The following RGS5 variants were observed in gnomAD, a reference collection of about 807,000 sequenced individuals.
RGS5 encodes the protein regulator of G protein signaling 5, also known as regulator of G-protein signalling 5.
A neutral mutation model predicts 18.9 loss-of-function variants in RGS5; 20 were observed. The ratio of observed to expected loss-of-function variants is 1.06; its 90% CI spans 0.74 to 1.54. RGS5 has a LOEUF of 1.54. Among genes scored for constraint, RGS5 ranks in the 40% most tolerant of loss-of-function variants. The pLI is 0.00. For missense variants in RGS5, 201 were observed against 211.8 expected, an observed-to-expected ratio of 0.95 and a Z score of 0.32; for synonymous variants, 57 against 76.2, an observed-to-expected ratio of 0.75 and a Z score of 1.31.
intron 2 of RGS5, among the ~76,000 whole-genome samples, chr1:163,297,069 C>G (rs191161542): frequency 7.2e-4 from 110 of 152,266 alleles, no homozygotes; most frequent in African/African-American, 2.5e-3. Flanking sequence ...CAGATGGTGA[C>G]TATCTGGGGC....
At chr1:163,274,357 G>GCTTCTACGGCAATAAGATACAGAGAC (rs1648798566) in intron 2 of RGS5, among the ~76,000 whole-genome samples, 1 of 152,210 alleles carries the variant, frequency 6.6e-6, no homozygotes. Context: ...GATACAGAGA[G>GCTTCTACGGCAATAAGATACAGAGAC]CTTCTACGTT....
chr1:163,194,008 T>C (rs750296804), intron 1 of RGS5, among the ~76,000 whole-genome samples: 9 of 152,282 alleles, frequency 5.9e-5, no homozygotes, highest in South Asian at 2.1e-4. Context: ...CTCAGTGACA[T>C]TATACACTTG....
At chr1:163,308,844 A>T (rs889339227) in intron 1 of RGS5, among the ~76,000 whole-genome samples, 2 of 152,222 alleles carry the variant, frequency 1.3e-5, no homozygotes, top group Admixed American at 6.5e-5. Context: ...AATGACACAA[A>T]TTTTTTGGTT....
At chr1:163,308,580 ACTT>A (rs1217163754) in intron 1 of RGS5, 1 of 152,176 alleles carries the variant, frequency 6.6e-6, no homozygotes, top group Non-Finnish European at 1.5e-5. Context: ...AATTAACAAA[ACTT>A]CATCAGGAAC....
chr1:163,166,154 A>G (rs1658037549), intron 2 of RGS5, among the ~76,000 whole-genome samples: 2 of 152,150 alleles, frequency 1.3e-5, no homozygotes, highest in Non-Finnish European at 2.9e-5. Context: ...AGCATGGAAC[A>G]TGGGTACCTG....
At chr1:163,270,703 A>G (rs925966752) in intron 2 of RGS5, among the ~76,000 whole-genome samples, 2 of 152,142 alleles carry the variant, frequency 1.3e-5, no homozygotes, top group Admixed American at 1.3e-4. Context: ...TTCATTATTA[A>G]TGAAATTCAT....
At chr1:163,240,476 T>C (rs1408492608) in intron 2 of RGS5, among the ~76,000 whole-genome samples, 4 of 150,724 alleles carry the variant, frequency 2.7e-5, no homozygotes, top group South Asian at 2.1e-4. Flanking sequence ...AGGGTGGAGA[T>C]TGACTGGAAG....
At chr1:163,222,113 A>G (rs1038804721), upstream of RGS5, among the ~76,000 whole-genome samples, 6 of 152,152 alleles carry the variant, frequency 3.9e-5, no homozygotes, top group Middle Eastern at 3.4e-3. Context: ...AAAATTCAAT[A>G]TATTACCTCA....
rs186531297 is a variant in RGS5, at chr1:163,306,063, G to A, written c.-281+170C>T. On this transcript the variant is annotated intron_variant, in intron 2 of 5. Coordinates refer to the RGS5 transcript ENST00000618415. ...CCATTAGAAAACTATCATGTTATCT[G>A]AAAACTTGGGGCTTGGGTACATTTT... Among the ~76,000 whole-genome samples the A allele has an allele frequency of 2.1e-3, 317 of 152,212 alleles. 1 individual carries two copies. Among genetic ancestry groups the A allele is most frequent in the South Asian group, 6.6e-3 (32 of 4,826 alleles).
intron 1 of RGS5, among the ~76,000 whole-genome samples, chr1:163,314,937 T>G (rs1267577668): frequency 6.6e-6 from 1 of 152,228 alleles, no homozygotes; most frequent in Non-Finnish European, 1.5e-5. Context: ...AATACATTTC[T>G]GTTGCTTTTA....
chr1:163,209,312 T>C (rs1660044490), intron 1 of RGS5, among the ~76,000 whole-genome samples: 1 of 152,204 alleles, frequency 6.6e-6, no homozygotes, highest in Non-Finnish European at 1.5e-5. Context: ...TAGAATACTG[T>C]TTTAATTATG....
chr1:163,223,573 C>T (rs745829436), intron 2 of RGS5, among the ~76,000 whole-genome samples: 1 of 152,144 alleles, frequency 6.6e-6, no homozygotes, highest in Non-Finnish European at 1.5e-5. Flanking sequence ...TCTCTTTAAG[C>T]TAGGAAAGAT....
chr1:163,210,042 T>C (rs541288390), intron 1 of RGS5, among the ~76,000 whole-genome samples: 1 of 152,080 alleles, frequency 6.6e-6, no homozygotes, highest in Admixed American at 6.6e-5. Flanking sequence ...CAGGCTGGAG[T>C]GCAGTGGTGC....
chr1:163,158,521 C>G (rs1337498846), intron 3 of RGS5, among the ~76,000 whole-genome samples: 1 of 152,102 alleles, frequency 6.6e-6, no homozygotes. Flanking sequence ...AATCTTAAAG[C>G]TTGGTGTCCA....
intron 1 of RGS5, among the ~76,000 whole-genome samples, chr1:163,316,256 CATT>C (rs1205675032): frequency 6.6e-6 from 1 of 152,166 alleles, no homozygotes; most frequent in East Asian, 1.9e-4. Context: ...AGAGACGTAT[CATT>C]ATTTCCTCTC....
At chr1:163,217,448 A>C in intron 1 of RGS5, 1 of 1,400,178 alleles carries the variant, frequency 7.1e-7, no homozygotes, top group Middle Eastern at 2.1e-4. Context: ...ATCCTTCCAC[A>C]AAATAACTAT....
chr1:163,169,907 A>G (rs1179512462), intron 1 of RGS5, among the ~76,000 whole-genome samples: 1 of 152,158 alleles, frequency 6.6e-6, no homozygotes. Flanking sequence ...TTGCCAAACA[A>G]CAAACTACAG....
intron 2 of RGS5, among the ~76,000 whole-genome samples, chr1:163,247,357 T>C (rs535118746): frequency 6.4e-4 from 98 of 152,294 alleles, no homozygotes; most frequent in African/African-American, 2.3e-3. Context: ...CACGGAGATA[T>C]GGTGCCATTC....
At chr1:163,152,842 C>A in intron 3 of RGS5, 126 bp from the exon 4 acceptor site, 1 of 784,558 alleles carries the variant, frequency 1.3e-6, no homozygotes, top group South Asian at 2.4e-5. Flanking sequence ...TCATTCATGT[C>A]TAGCTTCCTT....
Sources: gnomAD v4.1 joint callset for allele counts (sites outside exome capture counted in the v4.1 genomes callset) on GRCh38, gnomAD v4.1.1 for gene constraint, MANE v1.5 for transcripts, NCBI Gene and HGNC (gene_info 2026-07-23, HGNC 2026-07-21) for gene names.